FOXA1: variants seen among roughly 807,000 people sequenced by gnomAD.
FOXA1 encodes hepatocyte nuclear factor 3-alpha.
FOXA1 carries 9 observed loss-of-function variants against 29.2 expected under a neutral mutation model. The observed-to-expected ratio is 0.31, with a 90% CI of 0.19 to 0.54. The LOEUF (loss-of-function observed/expected upper bound fraction) is 0.54. FOXA1 is among the 20% of genes least tolerant of loss of function. The pLI is 0.95. For synonymous variants in FOXA1, 340 were observed against 300.9 expected (o/e 1.13, Z -1.34); for missense variants, 644 against 681.2 (o/e 0.95, Z 0.61).
At position 37,591,659 on chromosome 14, in the gene FOXA1, C is replaced by G. The variant is rs771973050; in HGVS notation, c.1125G>C (p.Pro375=). Residue 375 remains proline, a synonymous_variant, in exon 2 of 2, where the codon CCG becomes CCC. Transcript: ENST00000250448. ...GALASVPASH[P]AHGLAPHESQ... is the part of the protein sequence containing the mutation. ...ACTCGTGGGGTGCCAAGCCGTGTGC[C>G]GGGTGAGAGGCGGGCACAGAGGCCA... is the stretch of plus-strand genomic sequence containing the variant. 6.3e-7 allele frequency: 1 copy of G among 1,594,738 alleles called. No individual in the cohort carries two copies. Among genetic ancestry groups the G allele is most frequent in the Non-Finnish European group, 8.5e-7 (1 of 1,170,344 alleles).
At position 37,595,063 on chromosome 14, in the gene FOXA1, G is replaced by T; in HGVS notation, c.-91C>A. The T allele has an allele frequency of 8.2e-7, 1 of 1,218,456 alleles. No individual in the cohort carries two copies. The highest frequency in any genetic ancestry group is 1.1e-6 in the Non-Finnish European group (1 of 888,412). 75.5% of individuals were successfully genotyped at this position (1,218,456 alleles called of 1,614,324 possible). On this transcript the variant is annotated 5_prime_UTR_variant, in exon 1 of 2. It adds an upstream start codon to the 5' untranslated region. Coordinates refer to ENST00000250448, the MANE Select transcript of FOXA1 (RefSeq NM_004496.5). The stretch of plus-strand genomic sequence containing the variant: ...CGGGGCGGGGGAGGGGAGCTGAGCA[G>T]CTGCAGTCACCCGAGCGCCCGCGCG...
In FOXA1 at chr14:37,591,247, A is replaced by T; in HGVS notation, c.*118T>A. 1 of 1,193,176 alleles carries T rather than the reference A, an allele frequency of 8.4e-7. No individual in the cohort carries two copies. The highest frequency in any genetic ancestry group is 1.2e-6 in the Non-Finnish European group (1 of 828,020). 73.9% of individuals were successfully genotyped at this position (1,193,176 alleles called of 1,614,324 possible). A position where few individuals can be genotyped will look rare whatever the true frequency, so the allele number is the denominator to read the frequency against. On this transcript the variant is annotated 3_prime_UTR_variant, in exon 2 of 2. Coordinates refer to ENST00000250448, the MANE Select transcript of FOXA1 (RefSeq NM_004496.5). ...TGTGCATGAAAAATGAAATAAAAAT[A>T]GTTGTTGGGATTTTATTATGCTGTT...
At position 37,590,543 on chromosome 14, in the gene FOXA1, T is replaced by C. The variant is rs990072602; in HGVS notation, c.*822A>G. 1.3e-5 allele frequency: 3 copies of C among 226,914 alleles called. No homozygotes were observed. Among genetic ancestry groups the C allele is most frequent in the African/African-American group, 2.2e-5 (1 of 45,026 alleles). 14.1% of individuals were successfully genotyped at this position (226,914 alleles called of 1,614,324 possible). A position where few individuals can be genotyped will look rare whatever the true frequency, so the allele number is the denominator to read the frequency against. The stretch of plus-strand genomic sequence containing the variant: ...GTTCTTGAGGGCAATTCCTGAGGAA[T>C]TGATTCCCAGGGCCATCTGTGGGTA... On this transcript the variant is annotated 3_prime_UTR_variant, in exon 2 of 2. Coordinates refer to ENST00000250448, the MANE Select transcript of FOXA1 (RefSeq NM_004496.5).
rs1421653306 is a variant in FOXA1 at position 37,592,041 on chromosome 14, G to C, written c.743C>G (p.Pro248Arg). ...GTTCTCGAACATGTTGCCGGAGTCCGGGTGCAGCGTCCAGTAGGAGCCCTT... is the reference window on the plus strand; with the variant it reads ...GTTCTCGAACATGTTGCCGGAGTCCCGGTGCAGCGTCCAGTAGGAGCCCTT... The part of the protein sequence containing the change: ...PGKGSYWTLH[P>R]DSGNMFENGC... The change falls in exon 2 of 2, where the codon CCG becomes CGG. Residue 248 changes from proline to arginine, a missense_variant. By Grantham distance (103) the Pro-to-Arg change is moderately radical. Coordinates refer to ENST00000250448, the MANE Select transcript of FOXA1 (RefSeq NM_004496.5). 1 of 1,607,394 alleles carries C rather than the reference G, an allele frequency of 6.2e-7. No individual in the cohort carries two copies. Among genetic ancestry groups the C allele is most frequent in the Non-Finnish European group, 8.5e-7 (1 of 1,176,648 alleles).
Position 37,590,619 on chromosome 14 carries a change from G to A in FOXA1, c.*746C>T, listed in dbSNP as rs1268112676. 1 of 227,302 alleles carries A rather than the reference G, an allele frequency of 4.4e-6. No homozygotes were observed. The highest frequency in any genetic ancestry group is 2.2e-5 in the African/African-American group (1 of 44,972). The allele number at this position is 227,302 out of a possible 1,614,324, so 14.1% of individuals were successfully genotyped here. ...TGTAACTTTCGGTCAAGCAACTCTT[G>A]AGAATGTATCATGTATATCACCTAT... On this transcript the variant is annotated 3_prime_UTR_variant, in exon 2 of 2. Transcript: ENST00000250448.
Position 37,592,103 on chromosome 14 carries a change from G to A in FOXA1, c.681C>T (p.Cys227=), listed in dbSNP as rs1230311573. ...SIRHSLSFND[C]FVKVARSPDK... The stretch of plus-strand genomic sequence containing the variant: ...CCGGGGAGCGTGCCACCTTGACGAA[G>A]CAGTCATTGAAGGACAGCGAGTGGC... The change falls in exon 2 of 2, where the codon TGC becomes TGT. Residue 227 remains cysteine, a synonymous_variant. Transcript: ENST00000250448. The A allele has an allele frequency of 3.1e-6, 5 of 1,612,568 alleles. No individual in the cohort carries two copies. The highest frequency in any genetic ancestry group is 3.3e-4 in the Middle Eastern group (2 of 6,044).
chr14:37,591,408 T>A lies in FOXA1; in HGVS notation c.1376A>T (p.Tyr459Phe). ...GGGTCTGGAATACACACCTTGGTAG[T>A]ACGCCGGCTCCAGGGCTGAGGGCTC... The part of the protein sequence containing the change: ...PIEPSALEPA[Y>F]YQGVYSRPVL... The change falls in exon 2 of 2, where the codon TAC becomes TTC. Residue 459 changes from tyrosine to phenylalanine, a missense_variant. Physicochemically the swap from Tyr to Phe is conservative, Grantham distance 22 (BLOSUM62 3). Transcript: ENST00000250448. The A allele has an allele frequency of 1.2e-6, 2 of 1,614,066 alleles. No individual in the cohort carries two copies. Among genetic ancestry groups the A allele is most frequent in the Non-Finnish European group, 1.7e-6 (2 of 1,180,030 alleles).
chr14:37,592,485 C>G lies in FOXA1; in HGVS notation c.299G>C (p.Gly100Ala). 6.2e-7 allele frequency: 1 copy of G among 1,608,862 alleles called. No homozygotes were observed. The highest frequency in any genetic ancestry group is 8.5e-7 in the Non-Finnish European group (1 of 1,179,134). Residue 100 changes from glycine (G) to alanine (A), a missense_variant, in exon 2 of 2, where the codon GGC (glycine) becomes GCC (alanine). By Grantham distance (60) the Gly-to-Ala change is moderately conservative. Transcript: ENST00000250448. The stretch of plus-strand genomic sequence containing the variant: ...CAGCGCCGTACCCATGGCCGTCACG[C>G]CGGCCGCAGTCATGCTGTTCATGGC... ...AGAMNSMTAA[G>A]VTAMGTALSP...
At position 37,590,125 on chromosome 14, in the gene FOXA1, A is replaced by T; in HGVS notation, c.*1240T>A. The stretch of plus-strand genomic sequence containing the variant: ...TCACATTGATAAAAATTAACAATTT[A>T]ATTTGTAATTTTAACCATCATTTAA... On this transcript the variant is annotated 3_prime_UTR_variant, in exon 2 of 2. Coordinates refer to ENST00000250448, the MANE Select transcript of FOXA1 (RefSeq NM_004496.5). The T allele has an allele frequency of 4.3e-6, 1 of 232,050 alleles. No individual in the cohort carries two copies. The highest frequency in any genetic ancestry group is 8.5e-6 in the Non-Finnish European group (1 of 117,290). 14.4% of individuals were successfully genotyped at this position (232,050 alleles called of 1,614,324 possible). A position where few individuals can be genotyped will look rare whatever the true frequency, so the allele number is the denominator to read the frequency against.
chr14:37,591,520 G>C lies in FOXA1; in HGVS notation c.1264C>G (p.Gln422Glu), dbSNP rs749443757. Residue 422 changes from glutamine (Q) to glutamate (E), a missense_variant, in exon 2 of 2, where the codon CAG becomes GAG. This residue lies in a region of FOXA1 where 295 missense variants were observed against 294.4 expected (regional missense o/e 1.00). Transcript: ENST00000250448. ...QHKLDFKAYE[Q>E]ALQYSPYGST... ...CCGTAAGGCGAGTATTGCAGTGCCT[G>C]TTCGTATGCCTTGAAGTCCAGCTTA... The C allele has an allele frequency of 5.6e-6, 9 of 1,614,218 alleles. No individual in the cohort carries two copies. The highest frequency in any genetic ancestry group is 7.6e-6 in the Non-Finnish European group (9 of 1,180,040).
In FOXA1 at chr14:37,591,175, T is replaced by C; in HGVS notation, c.*190A>G. 1 of 790,674 alleles carries C rather than the reference T, an allele frequency of 1.3e-6. No individual in the cohort carries two copies. The highest frequency in any genetic ancestry group is 1.7e-5 in the African/African-American group (1 of 57,892). 49.0% of individuals were successfully genotyped at this position (790,674 alleles called of 1,614,324 possible). ...CTTTGTAGTAATATACACAATGAAT[T>C]TTGAATACAATAATAAAGTAACAGT... On this transcript the variant is annotated 3_prime_UTR_variant, in exon 2 of 2. Coordinates refer to ENST00000250448, the MANE Select transcript of FOXA1 (RefSeq NM_004496.5).
chr14:37,589,881 TTCATTTTTG>T lies in FOXA1; in HGVS notation c.*1475_*1483del, dbSNP rs550344205. The T allele has an allele frequency of 1.3e-4, 29 of 231,398 alleles. No individual in the cohort carries two copies. The South Asian group carries it at 4.4e-3, about 35-fold the overall frequency. 14.3% of individuals were successfully genotyped at this position (231,398 alleles called of 1,614,324 possible). A position where few individuals can be genotyped will look rare whatever the true frequency, so the allele number is the denominator to read the frequency against. On this transcript the variant is annotated 3_prime_UTR_variant, in exon 2 of 2. Transcript: ENST00000250448. ...TAACAACAGACAAAACAATTTTATT[TTCATTTTTG>T]TCATTTATATTCAGTTCTAGAATTT...
chr14:37,594,276 G>A (rs1216638543), intron 1 of FOXA1: 4 of 1,228,278 alleles, frequency 3.3e-6, no homozygotes, highest in Non-Finnish European at 4.2e-6. Context: ...CCCCATGAAC[G>A]TGCCACCAAG....
chr14:37,592,988 C>G (rs1317840346), intron 1 of FOXA1, among the ~76,000 whole-genome samples: 2 of 152,208 alleles, frequency 1.3e-5, no homozygotes, highest in African/African-American at 2.4e-5. Flanking sequence ...ACGCCAGGCT[C>G]AGGGGCTGGC....
chr14:37,589,722 A>G lies in FOXA1; in HGVS notation c.*1643T>C, dbSNP rs2095594011. On this transcript the variant is annotated 3_prime_UTR_variant, in exon 2 of 2. Coordinates refer to ENST00000250448, the MANE Select transcript of FOXA1 (RefSeq NM_004496.5). ...CACAGAAGGCTTAAGCCGGTGTCAAAAAAAAAAAAAAAAATGAAGTAAACA... is the reference window on the plus strand; with the variant it reads ...CACAGAAGGCTTAAGCCGGTGTCAAGAAAAAAAAAAAAAATGAAGTAAACA... Among the ~76,000 whole-genome samples, 1 of 120,050 alleles carries G rather than the reference A, an allele frequency of 8.3e-6. No homozygotes were observed. The highest frequency in any genetic ancestry group is 3.3e-5 in the African/African-American group (1 of 30,656). 78.8% of individuals were successfully genotyped at this position (120,050 alleles called of 152,430 possible). A position where few individuals can be genotyped will look rare whatever the true frequency, so the allele number is the denominator to read the frequency against.
intron 1 of FOXA1, 45 bp from the exon 2 acceptor site, chr14:37,592,756 A>G (rs1179875397): frequency 6.2e-7 from 1 of 1,602,722 alleles, no homozygotes; most frequent in East Asian, 2.2e-5. Context: ...GGGCGGGGTT[A>G]GTGGTGGGCA....
At chr14:37,594,866 G>A in intron 1 of FOXA1, 35 bp downstream of exon 1, 2 of 1,531,306 alleles carry the variant, frequency 1.3e-6, no homozygotes, top group African/African-American at 1.4e-5. Flanking sequence ...CTCCAGCGGC[G>A]CCCCACCGGC....
At position 37,595,232 on chromosome 14, in the gene FOXA1, A is replaced by C; in HGVS notation, c.-260T>G. 1.4e-5 allele frequency: 4 copies of C among 278,684 alleles called. No homozygotes were observed. The highest frequency in any genetic ancestry group is 6.7e-6 in the Non-Finnish European group (1 of 150,018). The allele number at this position is 278,684 out of a possible 1,614,324, so 17.3% of individuals were successfully genotyped here. A position where few individuals can be genotyped will look rare whatever the true frequency, so the allele number is the denominator to read the frequency against. On this transcript the variant is annotated 5_prime_UTR_variant, in exon 1 of 2. Transcript: ENST00000250448. The stretch of plus-strand genomic sequence containing the variant: ...GGCGCCGGGGAGCGCCTCCGCGGGA[A>C]GTGAGCGGGCTGCCTCTGCGAGGCA...
At chr14:37,594,557 C>G (rs776380555) in intron 1 of FOXA1, 10 of 230,374 alleles carry the variant, frequency 4.3e-5, no homozygotes, top group Non-Finnish European at 7.3e-5. Flanking sequence ...TTGCTTCCAA[C>G]TCGCACCGGC....
Sources: allele counts gnomAD v4.1 joint callset (sites outside exome capture counted in the v4.1 genomes callset), GRCh38; gene constraint gnomAD v4.1.1; regional missense constraint gnomAD v4.1.1; transcripts MANE v1.5; gene names NCBI Gene and HGNC (gene_info 2026-07-23, HGNC 2026-07-21).